Variants in DYNC2H1 observed in about 807,000 individuals in gnomAD.
The protein encoded by DYNC2H1 is dynein cytoplasmic 2 heavy chain 1, also known as cytoplasmic dynein 2 heavy chain 1.
A neutral mutation model predicts 570.0 loss-of-function variants in DYNC2H1; 410 were observed. The ratio of observed to expected loss-of-function variants is 0.72; its 90% CI spans 0.66 to 0.78. The LOEUF (loss-of-function observed/expected upper bound fraction) is 0.78. Ranked by LOEUF, DYNC2H1 falls within the 30% of genes least tolerant of loss-of-function variation. The pLI, the probability that DYNC2H1 is intolerant of heterozygous loss-of-function variation, is 0.00. For synonymous variants in DYNC2H1, 1,688 were observed against 1,677.6 expected (o/e 1.01, Z -0.15); for missense variants, 4,865 against 5,046.4 (o/e 0.96, Z 1.09).
rs776813036 is a variant in DYNC2H1 at position 103,299,501 on chromosome 11, C to T, written c.11096-3592C>T. 3.9e-5 allele frequency among the ~76,000 whole-genome samples: 6 copies of T among 152,170 alleles called. No homozygotes were observed. The highest frequency in any genetic ancestry group is 8.8e-5 in the Non-Finnish European group (6 of 67,994). On this transcript the variant is annotated intron_variant, in intron 75 of 88. Transcript: ENST00000375735. The surrounding 1 kb of genome is among the most constrained non-coding windows in gnomAD (Gnocchi z 4.5). ...CCTATTCAGTTTTAGGAGTGAGGTC[C>T]CCATTTTCTTTCTGTCTTTTGGTGT...
chr11:103,230,653 G>A (rs1347356191), intron 59 of DYNC2H1, among the ~76,000 whole-genome samples: 1 of 152,084 alleles, frequency 6.6e-6, no homozygotes, highest in African/African-American at 2.4e-5. Flanking sequence ...GAACATTTTA[G>A]GATTCTGCTT....
At chr11:103,253,071 C>T (rs189718757) in intron 65 of DYNC2H1, among the ~76,000 whole-genome samples, 1 of 152,080 alleles carries the variant, frequency 6.6e-6, no homozygotes, top group African/African-American at 2.4e-5. Context: ...TTCAGTATCC[C>T]AGGATCTTCT....
intron 84 of DYNC2H1, among the ~76,000 whole-genome samples, chr11:103,419,838 T>C (rs934748977): frequency 1.3e-5 from 2 of 152,068 alleles, no homozygotes; most frequent in Non-Finnish European, 2.9e-5. Context: ...CGAAATTTGC[T>C]GAGCTAAAGG....
intron 82 of DYNC2H1, among the ~76,000 whole-genome samples, chr11:103,346,233 C>T (rs1243062677): frequency 6.6e-6 from 1 of 152,156 alleles, no homozygotes; most frequent in Non-Finnish European, 1.5e-5. Flanking sequence ...TATCCTGACT[C>T]AAATGGTTTT....
intron 84 of DYNC2H1, among the ~76,000 whole-genome samples, chr11:103,408,993 T>C (rs1428141760): frequency 2.6e-5 from 4 of 152,074 alleles, no homozygotes; most frequent in African/African-American, 9.7e-5. Flanking sequence ...AAGAGACAGC[T>C]GAAGCCTCGT....
Position 103,205,520 on chromosome 11 carries a change from A to T in DYNC2H1, c.8454+556A>T, listed in dbSNP as rs1862891344. The stretch of plus-strand genomic sequence containing the variant: ...TGCCATGATTCAGAGTAAGGAGTGT[A>T]ATTGGAGATAAAAGACATGGTTTAC... On this transcript the variant is annotated intron_variant, in intron 52 of 88. Coordinates refer to ENST00000375735, the MANE Select transcript of DYNC2H1 (RefSeq NM_001377.3). The surrounding 1 kb of genome is among the most constrained non-coding windows in gnomAD (Gnocchi z 4.5). 6.6e-6 allele frequency among the ~76,000 whole-genome samples: 1 copy of T among 152,192 alleles called. No individual in the cohort carries two copies. The highest frequency in any genetic ancestry group is 2.4e-5 in the African/African-American group (1 of 41,464).
Position 103,117,765 on chromosome 11 carries a change from C to G in DYNC2H1, c.901C>G (p.Leu301Val). 1.2e-6 allele frequency: 2 copies of G among 1,613,518 alleles called. No individual in the cohort carries two copies. Among genetic ancestry groups the G allele is most frequent in the Non-Finnish European group, 1.7e-6 (2 of 1,179,578 alleles). ...CEQWVIVCNH[L>V]TGQVWQRYVP... Reference sequence around the variant, plus strand: ...ACAGTGGGTGATAGTCTGTAATCATCTAACAGGTCAGGTGTGGCAGCGCTA... The same window carrying G: ...ACAGTGGGTGATAGTCTGTAATCATGTAACAGGTCAGGTGTGGCAGCGCTA... Residue 301 changes from leucine to valine, a missense_variant, in exon 6 of 89, where the codon CTA (leucine) becomes GTA (valine). By Grantham distance (32) the Leu-to-Val change is conservative. Transcript: ENST00000375735.
chr11:103,388,399 C>T (rs930568891), intron 83 of DYNC2H1, among the ~76,000 whole-genome samples: 7 of 152,220 alleles, frequency 4.6e-5, no homozygotes, highest in African/African-American at 1.7e-4. Context: ...TAAGGAGATT[C>T]TGGGCTGAGA....
At position 103,177,738 on chromosome 11, in the gene DYNC2H1, A is replaced by C; in HGVS notation, c.6057A>C (p.Leu2019Phe). The change falls in exon 38 of 89, where the codon TTA becomes TTC. Residue 2019 changes from leucine (L) to phenylalanine (F), a missense_variant. Coordinates refer to ENST00000375735, the MANE Select transcript of DYNC2H1 (RefSeq NM_001377.3). This position sits in a 1 kb window ranked among gnomAD's most constrained non-coding sequence, Gnocchi z 4.4. ...NPKAMPRYQL[L>F]GHIDMDTREW... is the part of the protein sequence containing the mutation. ...AAGCTATGCCTCGATATCAATTATT[A>C]GGCCATATTGACATGGACACAAGAG... The C allele has an allele frequency of 6.2e-7, 1 of 1,613,508 alleles. No homozygotes were observed. The highest frequency in any genetic ancestry group is 1.7e-5 in the Admixed American group (1 of 59,930).
At chr11:103,376,728 C>G (rs1322942579) in intron 83 of DYNC2H1, among the ~76,000 whole-genome samples, 1 of 152,114 alleles carries the variant, frequency 6.6e-6, no homozygotes, top group East Asian at 1.9e-4. Flanking sequence ...TTACATAGCA[C>G]TATTAGAGCA....
At chr11:103,417,173 G>A (rs1014013038) in intron 84 of DYNC2H1, among the ~76,000 whole-genome samples, 2 of 152,132 alleles carry the variant, frequency 1.3e-5, no homozygotes, top group Non-Finnish European at 2.9e-5. Flanking sequence ...TCCGCCTCCT[G>A]GGTTCAAGCC....
At chr11:103,306,062 T>C (rs1403919372) in intron 77 of DYNC2H1, among the ~76,000 whole-genome samples, 1 of 152,018 alleles carries the variant, frequency 6.6e-6, no homozygotes, top group Non-Finnish European at 1.5e-5. Flanking sequence ...CAGGCATGCA[T>C]CACCATGCCT....
Position 103,280,055 on chromosome 11 carries a change from T to G in DYNC2H1, c.10696-293T>G, listed in dbSNP as rs1866069239. On this transcript the variant is annotated intron_variant, in intron 70 of 88. Coordinates refer to ENST00000375735, the MANE Select transcript of DYNC2H1 (RefSeq NM_001377.3). The surrounding 1 kb of genome is among the most constrained non-coding windows in gnomAD (Gnocchi z 4.7). The stretch of plus-strand genomic sequence containing the variant: ...GACTAATCAAATTTCACAACTATAT[T>G]AATGTTTCACCTGGCTAAGTTAGTT... 6.6e-6 allele frequency among the ~76,000 whole-genome samples: 1 copy of G among 152,154 alleles called. No individual in the cohort carries two copies. The highest frequency in any genetic ancestry group is 6.5e-5 in the Admixed American group (1 of 15,272).
intron 87 of DYNC2H1, among the ~76,000 whole-genome samples, chr11:103,463,130 T>C (rs766123620): frequency 6.6e-6 from 1 of 152,158 alleles, no homozygotes; most frequent in Non-Finnish European, 1.5e-5. Context: ...CCCAGGGAGA[T>C]TGTGATTCAT....
At chr11:103,236,387 A>G in intron 62 of DYNC2H1, 43 bp from the exon 63 acceptor site, 1 of 1,139,408 alleles carries the variant, frequency 8.8e-7, no homozygotes, top group Non-Finnish European at 1.3e-6. Flanking sequence ...TTCATCAAGT[A>G]CAAGATCGTT....
rs1860171728 is a variant in DYNC2H1, at chr11:103,145,060, T to C, written c.2702+1665T>C. The stretch of plus-strand genomic sequence containing the variant: ...CACGCCTGGCTAATTTTTTGTATTT[T>C]TAGTAGAGGTGGGGTTTATTATGTT... On this transcript the variant is annotated intron_variant, in intron 18 of 88. Transcript: ENST00000375735. The surrounding 1 kb of genome is among the most constrained non-coding windows in gnomAD (Gnocchi z 4.2). Among the ~76,000 whole-genome samples, 3 of 151,988 alleles carry C rather than the reference T, an allele frequency of 2.0e-5. No individual in the cohort carries two copies. The South Asian group carries it at 6.2e-4, about 31-fold the overall frequency.
chr11:103,202,259 A>G lies in DYNC2H1; in HGVS notation c.8198-1404A>G, dbSNP rs1306103333. Reference sequence around the variant, plus strand: ...GCTTCAGTTGTCACTAGATGGAGACATTGTTCATTTTGGCTGATGAGACCA... The same window carrying G: ...GCTTCAGTTGTCACTAGATGGAGACGTTGTTCATTTTGGCTGATGAGACCA... On this transcript the variant is annotated intron_variant, in intron 50 of 88. Transcript: ENST00000375735. Among the ~76,000 whole-genome samples the G allele has an allele frequency of 2.7e-5, 4 of 147,136 alleles. No homozygotes were observed. In the East Asian group the frequency reaches 8.0e-4, roughly 29 times the overall value.
Position 103,109,721 on chromosome 11 carries a change from G to A in DYNC2H1, c.147G>A (p.Met49Ile). The change falls in exon 1 of 89, where the codon ATG becomes ATA. Residue 49 changes from methionine to isoleucine, a missense_variant. Met to Ile is a conservative substitution (Grantham distance 10, BLOSUM62 1). Transcript: ENST00000375735. The part of the protein sequence containing the change: ...INNFLDDGNQ[M>I]LLRVQRSDAG... ...ACTTCTTGGATGACGGCAACCAGAT[G>A]CTCCTCAGGGTGCAGCGATCCGACG... 6.2e-7 allele frequency: 1 copy of A among 1,613,948 alleles called. No homozygotes were observed. The highest frequency in any genetic ancestry group is 1.1e-5 in the South Asian group (1 of 91,082).
intron 83 of DYNC2H1, among the ~76,000 whole-genome samples, chr11:103,387,544 G>T (rs963196958): frequency 6.6e-6 from 1 of 152,132 alleles, no homozygotes; most frequent in African/African-American, 2.4e-5. Context: ...TGTTGCCATT[G>T]CTTTTGGTGT....
Sources: gnomAD v4.1 joint callset for allele counts (sites outside exome capture counted in the v4.1 genomes callset) on GRCh38, gnomAD v4.1.1 for gene constraint, Gnocchi (gnomAD v3.1) non-coding constraint, MANE v1.5 for transcripts, NCBI Gene and HGNC (gene_info 2026-07-23, HGNC 2026-07-21) for gene names.